The following TTC13 variants were observed in gnomAD, a reference collection of about 807,000 sequenced individuals.
The protein encoded by TTC13 is tetratricopeptide repeat protein 13.
A neutral mutation model predicts 120.0 loss-of-function variants in TTC13; 62 were observed. The ratio of observed to expected loss-of-function variants is 0.52; its 90% CI spans 0.42 to 0.64. The LOEUF is 0.64. TTC13 is among the 30% of genes least tolerant of loss of function. The pLI is 0.00. For missense variants in TTC13, 824 were observed against 1,050.2 expected (o/e 0.78, Z 2.98); for synonymous variants, 384 against 393.5 (o/e 0.98, Z 0.28).
intron 1 of TTC13, among the ~76,000 whole-genome samples, chr1:230,969,475 T>C (rs1677501669): frequency 6.6e-6 from 1 of 152,248 alleles, no homozygotes; most frequent in Non-Finnish European, 1.5e-5. Flanking sequence ...TCATATTTAT[T>C]ATACTTGCTT....
chr1:230,965,487 T>A (rs1466657870), intron 1 of TTC13, among the ~76,000 whole-genome samples: 1 of 152,090 alleles, frequency 6.6e-6, no homozygotes, highest in East Asian at 1.9e-4. Flanking sequence ...CTGGTGAGGA[T>A]ATGGAGAAAG....
At chr1:230,948,416 A>AAAAAT (rs1675217807) in intron 4 of TTC13, among the ~76,000 whole-genome samples, 1 of 149,762 alleles carries the variant, frequency 6.7e-6, no homozygotes. Context: ...AAAAAAAAAA[A>AAAAAT]GGTAACATCT....
At chr1:230,943,951 G>GA in intron 5 of TTC13, 53 bp from the exon 6 acceptor site, 1 of 1,362,408 alleles carries the variant, frequency 7.3e-7, no homozygotes, top group Non-Finnish European at 1.0e-6. Context: ...AAACCAGGCT[G>GA]AAAAAATTTT....
chr1:230,956,398 C>T, intron 3 of TTC13: 1 of 211,298 alleles, frequency 4.7e-6, no homozygotes, highest in Non-Finnish European at 9.9e-6. Context: ...GATGTGAGCT[C>T]GGATTCTGGC....
chr1:230,974,633 C>T (rs752948608), intron 1 of TTC13, among the ~76,000 whole-genome samples: 2 of 152,124 alleles, frequency 1.3e-5, no homozygotes, highest in Non-Finnish European at 2.9e-5. Context: ...AATCGCCTAA[C>T]GACACATTTC....
In TTC13 at chr1:230,940,725, T is replaced by C. The variant is rs1293393740; in HGVS notation, c.673-169A>G. ...GCGGTGGGGTTCAAAGTCAACCAGC[T>C]GAGGTGCCACTAATCTTTGTCCAGT... On this transcript the variant is annotated intron_variant, in intron 6 of 22. Transcript: ENST00000366661. This position sits in a 1 kb window ranked among gnomAD's most constrained non-coding sequence, Gnocchi z 4.1. Among the ~76,000 whole-genome samples the C allele has an allele frequency of 2.6e-5, 4 of 152,188 alleles. No individual in the cohort carries two copies. Among genetic ancestry groups the C allele is most frequent in the Admixed American group, 1.3e-4 (2 of 15,284 alleles).
chr1:230,914,318 G>A (rs1043126114), intron 18 of TTC13, among the ~76,000 whole-genome samples: 5 of 152,082 alleles, frequency 3.3e-5, no homozygotes, highest in Admixed American at 6.6e-5. Flanking sequence ...TACTCAACGT[G>A]AAGATAGTAA....
At chr1:230,907,984 C>T (rs552113373) in intron 22 of TTC13, among the ~76,000 whole-genome samples, 15 of 12,130 alleles carry the variant, frequency 1.2e-3, no homozygotes, top group South Asian at 6.8e-3. Context: ...ACACAGTGTC[C>T]GTCAGGGATA....
chr1:230,919,134 T>C, intron 17 of TTC13, among the ~76,000 whole-genome samples: 1 of 152,196 alleles, frequency 6.6e-6, no homozygotes, highest in East Asian at 1.9e-4. Flanking sequence ...CTCATTAGCA[T>C]TTGCCTGGTA....
chr1:230,954,837 G>A (rs911902735), intron 3 of TTC13, among the ~76,000 whole-genome samples: 3 of 152,216 alleles, frequency 2.0e-5, no homozygotes, highest in Non-Finnish European at 2.9e-5. Context: ...TCCTGGGAGT[G>A]CTGAATTTAC....
chr1:230,947,859 G>C (rs963255625), intron 4 of TTC13, among the ~76,000 whole-genome samples: 5 of 152,146 alleles, frequency 3.3e-5, no homozygotes, highest in African/African-American at 1.2e-4. Context: ...CACACCCGTG[G>C]CCGGGGCTGG....
At position 230,974,104 on chromosome 1, in the gene TTC13, AC is replaced by A. The variant is rs372383194; in HGVS notation, c.271+4455del. Among the ~76,000 whole-genome samples the A allele has an allele frequency of 2.3e-3, 344 of 152,104 alleles. 2 individuals are homozygous for A. Among genetic ancestry groups the A allele is most frequent in the African/African-American group, 8.0e-3 (334 of 41,500 alleles). ...AAAAAAAAAAAAAGAAGAGCAGAGA[AC>A]CTGAATTTTTAAATCAATGAACAAG... On this transcript the variant is annotated intron_variant, in intron 1 of 22. Transcript: ENST00000366661.
intron 22 of TTC13, among the ~76,000 whole-genome samples, chr1:230,907,619 T>C (rs1671057645): frequency 6.6e-6 from 1 of 152,212 alleles, no homozygotes; most frequent in Admixed American, 6.5e-5. Flanking sequence ...GAAACAACAA[T>C]GTACCAGGAC....
rs558404996 is a variant in TTC13 at position 230,944,037 on chromosome 1, G to C, written c.580-139C>G. The C allele has an allele frequency of 3.0e-5, 14 of 459,068 alleles. No homozygotes were observed. The highest frequency in any genetic ancestry group is 2.8e-4 in the African/African-American group (14 of 49,928). The allele number at this position is 459,068 out of a possible 1,614,324, so 28.4% of individuals were successfully genotyped here. A position where few individuals can be genotyped will look rare whatever the true frequency, so the allele number is the denominator to read the frequency against. ...ATATGAACTTCACTTCTATGTAAGA[G>C]ATGTGCCATGTCAAATCAGTCATGA... On this transcript the variant is annotated intron_variant, in intron 5 of 22. Coordinates refer to ENST00000366661, the MANE Select transcript of TTC13 (RefSeq NM_024525.5). The surrounding 1 kb of genome is among the most constrained non-coding windows in gnomAD (Gnocchi z 4.0).
intron 4 of TTC13, 87 bp downstream of exon 4, chr1:230,954,246 T>C (rs967320264): frequency 1.7e-5 from 15 of 884,292 alleles, no homozygotes; most frequent in South Asian, 6.4e-5. Context: ...TAAAAACATG[T>C]CGTATTACAG....
chr1:230,954,724 C>T (rs78830315), intron 3 of TTC13, among the ~76,000 whole-genome samples: 3 of 152,298 alleles, frequency 2.0e-5, no homozygotes, highest in Admixed American at 6.5e-5. Flanking sequence ...CTAGCTATCA[C>T]AAAAGCTAGT....
chr1:230,907,624 C>G (rs1359670825), intron 22 of TTC13, among the ~76,000 whole-genome samples: 3 of 152,126 alleles, frequency 2.0e-5, no homozygotes, highest in African/African-American at 7.2e-5. Flanking sequence ...AACAATGTAC[C>G]AGGACAAGGT....
Position 230,931,785 on chromosome 1 carries a change from AT to A in TTC13, c.1075del (p.Met359Ter). 1.2e-6 allele frequency: 2 copies of A among 1,614,180 alleles called. No individual in the cohort carries two copies. The highest frequency in any genetic ancestry group is 1.7e-6 in the Non-Finnish European group (2 of 1,180,034). ...TAAGCTGCCGTGGTGGTAGAGCATC[AT>A]TCCCCGGAGCTGGAGGGTTTGCACA... Reference protein sequence around the residue: ...NHVQTLQLRGMMLYHHGSLQE... With the variant: ...NHVQTLQLRGXMLYHHGSLQE... On this transcript the variant is annotated frameshift_variant, in exon 10 of 23. Coordinates refer to ENST00000366661, the MANE Select transcript of TTC13 (RefSeq NM_024525.5). LOFTEE classifies it high-confidence loss of function.
chr1:230,973,347 G>A (rs1036184085), intron 1 of TTC13, among the ~76,000 whole-genome samples: 10 of 152,314 alleles, frequency 6.6e-5, no homozygotes, highest in South Asian at 2.1e-4. Flanking sequence ...GACAATCTCA[G>A]TGTTACCAAT....
Sources: gnomAD v4.1 joint callset for allele counts (sites outside exome capture counted in the v4.1 genomes callset) on GRCh38, gnomAD v4.1.1 for gene constraint, Gnocchi (gnomAD v3.1) non-coding constraint, MANE v1.5 for transcripts, NCBI Gene and HGNC (gene_info 2026-07-23, HGNC 2026-07-21) for gene names.